PCOLCE2: variants seen among roughly 807,000 people sequenced by gnomAD.
The protein encoded by PCOLCE2 is procollagen C-proteinase enhancer 2.
Under a neutral mutation model 47.0 loss-of-function variants are expected in PCOLCE2, and 42 were observed. The ratio of observed to expected loss-of-function variants is 0.89; its 90% CI spans 0.70 to 1.16. The LOEUF (loss-of-function observed/expected upper bound fraction) is 1.16. PCOLCE2 is among the 50% of genes most tolerant of loss of function. The pLI is 0.00. For synonymous variants in PCOLCE2, 169 were observed against 191.7 expected (o/e 0.88, Z 0.98); for missense variants, 500 against 526.1 (o/e 0.95, Z 0.49).
intron 5 of PCOLCE2, among the ~76,000 whole-genome samples, chr3:142,833,542 T>C (rs1937173584): frequency 1.3e-5 from 2 of 152,016 alleles, no homozygotes; most frequent in African/African-American, 2.4e-5. Flanking sequence ...ACTGTTTTCA[T>C]TGCTTTATAG....
chr3:142,885,568 A>T (rs1933705182), intron 2 of PCOLCE2, among the ~76,000 whole-genome samples: 1 of 152,210 alleles, frequency 6.6e-6, no homozygotes. Flanking sequence ...GTATCCTTCT[A>T]GCTGGTGCCA....
intron 6 of PCOLCE2, chr3:142,827,005 T>C (rs1226868722): frequency 1.0e-5 from 7 of 694,064 alleles, no homozygotes; most frequent in Non-Finnish European, 1.5e-5. Context: ...GCCTAGGTCA[T>C]CTCGTTCTTG....
intron 2 of PCOLCE2, among the ~76,000 whole-genome samples, chr3:142,882,193 C>G (rs57088014): frequency 8.4e-6 from 1 of 119,572 alleles, no homozygotes; most frequent in East Asian, 2.3e-4. Context: ...CCACTCCTGG[C>G]TAATTTAAAA....
intron 4 of PCOLCE2, among the ~76,000 whole-genome samples, chr3:142,840,973 G>T (rs1937258163): frequency 6.6e-6 from 1 of 151,810 alleles, no homozygotes; most frequent in Non-Finnish European, 1.5e-5. Context: ...TACTCAGGAG[G>T]CTGAGGCAGG....
rs544642158 is a variant in PCOLCE2, at chr3:142,885,427, A to G, written c.192+2242T>C. 3.3e-5 allele frequency among the ~76,000 whole-genome samples: 5 copies of G among 152,338 alleles called. No homozygotes were observed. The East Asian group carries it at 9.6e-4, about 29-fold the overall frequency. On this transcript the variant is annotated intron_variant, in intron 2 of 8. Coordinates refer to ENST00000295992, the MANE Select transcript of PCOLCE2 (RefSeq NM_013363.4). ...TGGGAACACTATTCTTGGTTTACTGACTGCAGGAACAGAAAAATGGGCTGG... is the reference window on the plus strand; with the variant it reads ...TGGGAACACTATTCTTGGTTTACTGGCTGCAGGAACAGAAAAATGGGCTGG...
intron 5 of PCOLCE2, among the ~76,000 whole-genome samples, chr3:142,833,481 CTTTT>C (rs762140679): frequency 2.8e-5 from 4 of 141,534 alleles, no homozygotes; most frequent in Non-Finnish European, 4.6e-5. Context: ...CACGCTCAGC[CTTTT>C]TTTTTTTTTT....
chr3:142,887,867 T>G (rs1306870953), intron 1 of PCOLCE2, 90 bp from the exon 2 acceptor site: 2 of 710,688 alleles, frequency 2.8e-6, no homozygotes, highest in African/African-American at 1.8e-5. Flanking sequence ...CCTATTAATA[T>G]AAATAAAAGT....
intron 2 of PCOLCE2, among the ~76,000 whole-genome samples, chr3:142,860,995 G>A (rs529986870): frequency 6.6e-6 from 1 of 152,264 alleles, no homozygotes; most frequent in South Asian, 2.1e-4. Flanking sequence ...CATTTTTCTG[G>A]AGATCATCCT....
At chr3:142,826,997 C>T (rs1319388134) in intron 6 of PCOLCE2, 3 of 652,816 alleles carry the variant, frequency 4.6e-6, no homozygotes, top group Non-Finnish European at 7.9e-6. Context: ...CAATCTCTGC[C>T]TAGGTCATCT....
chr3:142,836,087 G>A (rs561104088), intron 5 of PCOLCE2, among the ~76,000 whole-genome samples: 1 of 152,234 alleles, frequency 6.6e-6, no homozygotes, highest in South Asian at 2.1e-4. Flanking sequence ...TTATCAACTT[G>A]GAAGCTTTAA....
chr3:142,876,930 T>G (rs1933507626), intron 2 of PCOLCE2, among the ~76,000 whole-genome samples: 1 of 152,322 alleles, frequency 6.6e-6, no homozygotes, highest in South Asian at 2.1e-4. Context: ...GAGGTCATCT[T>G]TGGAGACTCA....
At position 142,887,786 on chromosome 3, in the gene PCOLCE2, A is replaced by G; in HGVS notation, c.84-9T>C. On this transcript the variant is annotated splice_polypyrimidine_tract_variant and intron_variant, in intron 1 of 8. Coordinates refer to ENST00000295992, the MANE Select transcript of PCOLCE2 (RefSeq NM_013363.4). The stretch of plus-strand genomic sequence containing the variant: ...CACATGTGAAAACAGGTCTGGGAAC[A>G]TAAAAGAAGAAAAGATAATGTAATT... 7.0e-7 allele frequency: 1 copy of G among 1,429,984 alleles called. No individual in the cohort carries two copies. Among genetic ancestry groups the G allele is most frequent in the Non-Finnish European group, 9.9e-7 (1 of 1,013,846 alleles). 88.6% of individuals were successfully genotyped at this position (1,429,984 alleles called of 1,614,324 possible). A position where few individuals can be genotyped will look rare whatever the true frequency, so the allele number is the denominator to read the frequency against.
intron 8 of PCOLCE2, among the ~76,000 whole-genome samples, chr3:142,819,844 A>C (rs1226417595): frequency 1.3e-5 from 2 of 151,960 alleles, no homozygotes; most frequent in Non-Finnish European, 2.9e-5. Flanking sequence ...CAGAGGTCTC[A>C]CTATGTTGCC....
chr3:142,824,664 G>A (rs6791501), intron 6 of PCOLCE2, among the ~76,000 whole-genome samples: 34,647 of 152,030 alleles, frequency 0.23, 4,006 homozygotes, highest in East Asian at 0.3. Flanking sequence ...TTGACATGGA[G>A]TCTCTCGCTC....
At chr3:142,822,851 T>C (rs1937030300) in intron 7 of PCOLCE2, among the ~76,000 whole-genome samples, 1 of 152,226 alleles carries the variant, frequency 6.6e-6, no homozygotes, top group Admixed American at 6.5e-5. Context: ...GAAATGTATT[T>C]AGGCCATAGC....
chr3:142,857,601 A>C (rs1933086978), intron 2 of PCOLCE2, among the ~76,000 whole-genome samples: 1 of 152,212 alleles, frequency 6.6e-6, no homozygotes, highest in Admixed American at 6.5e-5. Context: ...CAATGAAAAA[A>C]TCCATGACAA....
chr3:142,848,366 C>T lies in PCOLCE2; in HGVS notation c.299G>A (p.Gly100Asp). 6.2e-7 allele frequency: 1 copy of T among 1,614,134 alleles called. No homozygotes were observed. The highest frequency in any genetic ancestry group is 8.5e-7 in the Non-Finnish European group (1 of 1,179,954). Residue 100 changes from glycine (G) to aspartate (D), a missense_variant, in exon 3 of 9, where the codon GGC (glycine) becomes GAC (aspartate). By Grantham distance (94) the Gly-to-Asp change is moderately conservative. Transcript: ENST00000295992. ...FVDVYNGHANGQRIGRFCGTF... is the reference protein window; with the variant it reads ...FVDVYNGHANDQRIGRFCGTF... The stretch of plus-strand genomic sequence containing the variant: ...GCCACAGAAGCGGCCAATGCGCTGG[C>T]CATTGGCATGGCCATTGTACACATC...
At chr3:142,882,245 GCTGATCTTGAACT>G (rs924607186) in intron 2 of PCOLCE2, among the ~76,000 whole-genome samples, 29 of 151,976 alleles carry the variant, frequency 1.9e-4, no homozygotes, top group Non-Finnish European at 2.6e-4. Context: ...CGTTGTTCAG[GCTGATCTTGAACT>G]CTGATCTTGA....
chr3:142,829,919 G>C (rs1038886421), intron 5 of PCOLCE2, 73 bp from the exon 6 acceptor site: 16 of 853,420 alleles, frequency 1.9e-5, no homozygotes, highest in Admixed American at 5.3e-5. Flanking sequence ...AAATTTTCTA[G>C]TTTTCCATTA....
Sources: allele counts gnomAD v4.1 joint callset (sites outside exome capture counted in the v4.1 genomes callset), GRCh38; gene constraint gnomAD v4.1.1; transcripts MANE v1.5; gene names NCBI Gene and HGNC (gene_info 2026-07-23, HGNC 2026-07-21).